The following HDAC4 variants were observed in gnomAD, a reference collection of about 807,000 sequenced individuals.
HDAC4 encodes histone deacetylase A.
In HDAC4, 16 loss-of-function variants were observed where a neutral mutation model predicts 135.1. The observed-to-expected ratio is 0.12, with a 90% CI of 0.08 to 0.18. The LOEUF is 0.18. Among genes scored for constraint, HDAC4 ranks in the 10% least tolerant of loss-of-function variants. The probability of loss-of-function intolerance (pLI) is 1.00; values close to 1 mark genes in which losing one functional copy is unlikely to be tolerated. For synonymous variants in HDAC4, 685 were observed against 653.4 expected, an observed-to-expected ratio of 1.05 and a Z score of -0.74; for missense variants, 1,143 against 1,511.8, an observed-to-expected ratio of 0.76 and a Z score of 4.05.
chr2:239,265,951 C>T (rs990341342), intron 2 of HDAC4, among the ~76,000 whole-genome samples: 5 of 152,180 alleles, frequency 3.3e-5, no homozygotes, highest in South Asian at 2.1e-4. Context: ...GAGGCCAAAG[C>T]GAGCTGCCTG....
intron 4 of HDAC4, among the ~76,000 whole-genome samples, chr2:239,178,083 T>C (rs999026357): frequency 6.6e-6 from 1 of 152,198 alleles, no homozygotes; most frequent in Non-Finnish European, 1.5e-5. Flanking sequence ...CTGCACACAC[T>C]TTCCTCGGCT....
chr2:239,314,308 A>T (rs2053023983), intron 2 of HDAC4, among the ~76,000 whole-genome samples: 1 of 152,194 alleles, frequency 6.6e-6, no homozygotes, highest in Non-Finnish European at 1.5e-5. Context: ...TCAGGCACTG[A>T]CCCAAAACAC....
At chr2:239,213,321 C>T (rs552421788) in intron 3 of HDAC4, among the ~76,000 whole-genome samples, 99 of 152,310 alleles carry the variant, frequency 6.5e-4, no homozygotes, top group African/African-American at 2.2e-3. Context: ...TGAAAAAGAA[C>T]GCACTCAGCA....
At chr2:239,375,256 G>A (rs1266324802) in intron 1 of HDAC4, among the ~76,000 whole-genome samples, 1 of 152,168 alleles carries the variant, frequency 6.6e-6, no homozygotes, top group Non-Finnish European at 1.5e-5. Context: ...GGGTGCCCCG[G>A]GAGGTGCCAG....
chr2:239,197,685 C>T (rs2045481845), intron 3 of HDAC4, among the ~76,000 whole-genome samples: 1 of 152,144 alleles, frequency 6.6e-6, no homozygotes, highest in South Asian at 2.1e-4. Flanking sequence ...AATGAGGTTT[C>T]ATGATTTTTG....
intron 2 of HDAC4, among the ~76,000 whole-genome samples, chr2:239,301,873 C>T (rs1426171592): frequency 6.6e-6 from 1 of 152,128 alleles, no homozygotes; most frequent in African/African-American, 2.4e-5. Context: ...AAAACCTTAC[C>T]ATGCTTTGTT....
At chr2:239,081,471 G>A (rs2035319259) in intron 21 of HDAC4, among the ~76,000 whole-genome samples, 2 of 152,232 alleles carry the variant, frequency 1.3e-5, no homozygotes, top group South Asian at 4.1e-4. Context: ...TGACATTTCT[G>A]CGGACCCGCC....
chr2:239,207,292 T>C (rs933541109), intron 3 of HDAC4, among the ~76,000 whole-genome samples: 4 of 152,152 alleles, frequency 2.6e-5, no homozygotes, highest in Non-Finnish European at 5.9e-5. Context: ...ATGACAATAA[T>C]AATACGAACT....
At chr2:239,382,080 G>A (rs1165983973) in intron 1 of HDAC4, among the ~76,000 whole-genome samples, 1 of 152,206 alleles carries the variant, frequency 6.6e-6, no homozygotes, top group Non-Finnish European at 1.5e-5. Context: ...CAAGGGCTGG[G>A]ATCTCCATAT....
rs1001384281 is a variant in HDAC4 at position 239,053,367 on chromosome 2, C to T, written c.3230+93G>A. ...CCTGTCTCTAGTCTGTTGGGCAGGG[C>T]ATGTGCCATAAAGGTTCTGACCCTG... On this transcript the variant is annotated intron_variant, in intron 26 of 26. Coordinates refer to ENST00000543185, the MANE Select transcript of HDAC4 (RefSeq NM_001378414.1). 12 of 1,507,710 alleles carry T rather than the reference C, an allele frequency of 8.0e-6. 1 individual carries two copies. In the African/African-American group the frequency reaches 9.6e-5, roughly 12 times the overall value. 93.4% of individuals were successfully genotyped at this position (1,507,710 alleles called of 1,614,324 possible). A position where few individuals can be genotyped will look rare whatever the true frequency, so the allele number is the denominator to read the frequency against.
intron 9 of HDAC4, among the ~76,000 whole-genome samples, chr2:239,138,361 G>A (rs1391663141): frequency 1.3e-5 from 2 of 152,212 alleles, no homozygotes; most frequent in East Asian, 3.8e-4. Flanking sequence ...CTTGAAATTT[G>A]AAATGAAAAT....
At position 239,051,662 on chromosome 2, in the gene HDAC4, TAAAATG is replaced by T. The variant is rs1467776195; in HGVS notation, c.*1429_*1434del. ...GGGAGCGGTTCTGTTAGAAAATAAT[TAAAATG>T]AAAGTACAAACTTGTAGGGTAGTTG... On this transcript the variant is annotated 3_prime_UTR_variant, in exon 27 of 27. Coordinates refer to ENST00000543185, the MANE Select transcript of HDAC4 (RefSeq NM_001378414.1). 6.6e-6 allele frequency: 1 copy of T among 152,592 alleles called. No homozygotes were observed. Among genetic ancestry groups the T allele is most frequent in the African/African-American group, 2.4e-5 (1 of 41,444 alleles). The allele number at this position is 152,592 out of a possible 1,614,324, so 9.5% of individuals were successfully genotyped here.
chr2:239,374,423 A>T (rs1390836810), intron 1 of HDAC4, among the ~76,000 whole-genome samples: 6 of 40,756 alleles, frequency 1.5e-4, no homozygotes, highest in Admixed American at 6.7e-4. Context: ...TTTTTTTTTG[A>T]GACGGAGTCT....
chr2:239,193,888 G>C (rs964639315), intron 3 of HDAC4, among the ~76,000 whole-genome samples: 2 of 152,238 alleles, frequency 1.3e-5, no homozygotes, highest in African/African-American at 4.8e-5. Context: ...GCATCTAATA[G>C]AGATGACACT....
intron 2 of HDAC4, among the ~76,000 whole-genome samples, chr2:239,263,192 G>A (rs2049481473): frequency 6.6e-6 from 1 of 152,136 alleles, no homozygotes; most frequent in Non-Finnish European, 1.5e-5. Flanking sequence ...CTGCCCCAGA[G>A]GTCAGAATGG....
rs1006116014 is a variant in HDAC4 at position 239,240,195 on chromosome 2, G to T, written c.23-3531C>A. On this transcript the variant is annotated intron_variant, in intron 2 of 26. Coordinates refer to ENST00000543185, the MANE Select transcript of HDAC4 (RefSeq NM_001378414.1). This position sits in a 1 kb window ranked among gnomAD's most constrained non-coding sequence, Gnocchi z 4.5. ...CGGTGAGTGCACTTTGCAGGCGCAGGGGCCACCAGGCCTGGGAAAGACAGC... is the reference window on the plus strand; with the variant it reads ...CGGTGAGTGCACTTTGCAGGCGCAGTGGCCACCAGGCCTGGGAAAGACAGC... Among the ~76,000 whole-genome samples, 5 of 152,242 alleles carry T rather than the reference G, an allele frequency of 3.3e-5. No individual in the cohort carries two copies. Among genetic ancestry groups the T allele is most frequent in the Admixed American group, 6.5e-5 (1 of 15,288 alleles).
intron 16 of HDAC4, among the ~76,000 whole-genome samples, chr2:239,098,645 G>A (rs1471676389): frequency 4.6e-5 from 7 of 152,238 alleles, no homozygotes; most frequent in African/African-American, 1.7e-4. Flanking sequence ...CACCACATCA[G>A]AAAGGAAATA....
intron 6 of HDAC4, 128 bp downstream of exon 6, chr2:239,163,675 G>A (rs988604874): frequency 8.6e-5 from 84 of 979,166 alleles, no homozygotes; most frequent in Admixed American, 1.4e-4. Flanking sequence ...CTGTGCTTGG[G>A]GTTTCAATTC....
chr2:239,111,494 C>G, intron 14 of HDAC4, 32 bp downstream of exon 14: 1 of 1,597,976 alleles, frequency 6.3e-7, no homozygotes. Context: ...GCCCGCGTTG[C>G]ACCCTCAGGC....
Sources: gnomAD v4.1 joint callset for allele counts (sites outside exome capture counted in the v4.1 genomes callset) on GRCh38, gnomAD v4.1.1 for gene constraint, Gnocchi (gnomAD v3.1) non-coding constraint, MANE v1.5 for transcripts, NCBI Gene and HGNC (gene_info 2026-07-23, HGNC 2026-07-21) for gene names.